PLXNC1: variants seen among roughly 807,000 people sequenced by gnomAD.
The protein encoded by PLXNC1 is plexin-C1.
A neutral mutation model predicts 178.2 loss-of-function variants in PLXNC1; 75 were observed. The ratio of observed to expected loss-of-function variants is 0.42; its 90% confidence interval spans 0.35 to 0.51. The LOEUF is 0.51. Among genes scored for constraint, PLXNC1 ranks in the 20% least tolerant of loss-of-function variants. PLXNC1 has a pLI of 0.02. For missense variants in PLXNC1, 1,503 were observed against 1,984.4 expected, an observed-to-expected ratio of 0.76 and a Z score of 4.61; for synonymous variants, 790 against 779.9, an observed-to-expected ratio of 1.01 and a Z score of -0.22.
chr12:94,204,972 G>C (rs1023294573), intron 4 of PLXNC1, among the ~76,000 whole-genome samples: 7 of 152,004 alleles, frequency 4.6e-5, no homozygotes, highest in Non-Finnish European at 1.0e-4. Flanking sequence ...ATTCCTTCAG[G>C]GACTGTCTGC....
chr12:94,198,143 T>C (rs1240592338), intron 4 of PLXNC1, among the ~76,000 whole-genome samples: 2 of 152,090 alleles, frequency 1.3e-5, no homozygotes, highest in African/African-American at 2.4e-5. Context: ...CCATCCATGA[T>C]AGACTGGATA....
At chr12:94,164,127 G>C (rs1303714341) in intron 1 of PLXNC1, among the ~76,000 whole-genome samples, 3 of 152,164 alleles carry the variant, frequency 2.0e-5, no homozygotes, top group Non-Finnish European at 4.4e-5. Context: ...GGCTCCTTCA[G>C]GGGTTTCCTA....
intron 23 of PLXNC1, among the ~76,000 whole-genome samples, chr12:94,289,396 A>T (rs1247353792): frequency 6.6e-6 from 1 of 152,164 alleles, no homozygotes; most frequent in Non-Finnish European, 1.5e-5. Flanking sequence ...ACCCTGTGAG[A>T]CTGGAAGGAA....
Position 94,300,925 on chromosome 12 carries a change from C to T in PLXNC1, c.4254C>T (p.Phe1418=). ...CTTTGAACAGCCTTCCTCTTCGCTT[C>T]TGGGTAAACATCCTGAAGAACCCTC... ...IWKTNSLPLR[F]WVNILKNPQF... is the part of the protein sequence containing the mutation. Residue 1418 remains phenylalanine, a synonymous_variant, in exon 28 of 31, where the codon TTC becomes TTT. Transcript: ENST00000258526. 6.2e-7 allele frequency: 1 copy of T among 1,612,810 alleles called. No homozygotes were observed. Among genetic ancestry groups the T allele is most frequent in the Middle Eastern group, 1.7e-4 (1 of 6,048 alleles).
At chr12:94,178,597 GCCTGTC>G (rs2135956078) in intron 2 of PLXNC1, among the ~76,000 whole-genome samples, 1 of 152,322 alleles carries the variant, frequency 6.6e-6, no homozygotes, top group East Asian at 1.9e-4. Flanking sequence ...CTTGGTCAGT[GCCTGTC>G]CCTTGGCTCC....
At chr12:94,269,689 ATAC>A (rs1162339250) in intron 21 of PLXNC1, among the ~76,000 whole-genome samples, 1 of 152,208 alleles carries the variant, frequency 6.6e-6, no homozygotes, top group East Asian at 1.9e-4. Context: ...CTTGTTTTTA[ATAC>A]TCCTACCATT....
In PLXNC1 at chr12:94,217,085, G is replaced by A. The variant is rs1963667045; in HGVS notation, c.1555-2931G>A. ...CCTCTTTTCAGGTCCACTCCAACCTGGTTTCTGCCCCAGTGTTCCCCTGAA... is the reference window on the plus strand; with the variant it reads ...CCTCTTTTCAGGTCCACTCCAACCTAGTTTCTGCCCCAGTGTTCCCCTGAA... On this transcript the variant is annotated intron_variant, in intron 5 of 30. Coordinates refer to ENST00000258526, the MANE Select transcript of PLXNC1 (RefSeq NM_005761.3). Among the ~76,000 whole-genome samples the A allele has an allele frequency of 2.0e-5, 3 of 152,164 alleles. 1 individual carries two copies. Among genetic ancestry groups the A allele is most frequent in the Admixed American group, 2.0e-4 (3 of 15,270 alleles).
chr12:94,227,242 C>A lies in PLXNC1; in HGVS notation c.1980+7C>A, dbSNP rs367888609. 1.9e-6 allele frequency: 3 copies of A among 1,582,514 alleles called. No homozygotes were observed. The highest frequency in any genetic ancestry group is 2.2e-5 in the South Asian group (2 of 90,440). Reference sequence around the variant, plus strand: ...AACCAACCAGGCTTTACAGGTCAGACCCTATTTTTGTGTGGTTGAGGGGAA... The same window carrying A: ...AACCAACCAGGCTTTACAGGTCAGAACCTATTTTTGTGTGGTTGAGGGGAA... On this transcript the variant is annotated splice_region_variant and intron_variant, in intron 9 of 30. Transcript: ENST00000258526.
chr12:94,153,942 G>A (rs1295896236), intron 1 of PLXNC1, among the ~76,000 whole-genome samples: 1 of 152,130 alleles, frequency 6.6e-6, no homozygotes, highest in Admixed American at 6.5e-5. Flanking sequence ...TTCTTGTGAT[G>A]TTTATTTCTC....
At chr12:94,290,498 C>T (rs77213192) in intron 23 of PLXNC1, among the ~76,000 whole-genome samples, 3 of 152,254 alleles carry the variant, frequency 2.0e-5, no homozygotes, top group Admixed American at 6.5e-5. Context: ...TGGCCCCAGC[C>T]GGCCCCTGCC....
chr12:94,189,766 G>A (rs1015313093), intron 4 of PLXNC1, among the ~76,000 whole-genome samples: 1 of 152,128 alleles, frequency 6.6e-6, no homozygotes, highest in African/African-American at 2.4e-5. Flanking sequence ...ATGGAGGGAT[G>A]GAGTTATTGG....
At position 94,243,062 on chromosome 12, in the gene PLXNC1, C is replaced by T. The variant is rs548886929; in HGVS notation, c.2301-876C>T. 7.2e-5 allele frequency among the ~76,000 whole-genome samples: 11 copies of T among 152,370 alleles called. No homozygotes were observed. The South Asian group carries it at 1.4e-3, about 20-fold the overall frequency. On this transcript the variant is annotated intron_variant, in intron 11 of 30. Coordinates refer to ENST00000258526, the MANE Select transcript of PLXNC1 (RefSeq NM_005761.3). ...CTAAATGCTGGCCATCGGGAGATCA[C>T]GCTTGGCTCGGTTTTCTGGTAATGG...
chr12:94,217,511 T>A (rs1963678247), intron 5 of PLXNC1, among the ~76,000 whole-genome samples: 1 of 152,216 alleles, frequency 6.6e-6, no homozygotes, highest in South Asian at 2.1e-4. Context: ...TGCTTGAGTA[T>A]CACACAAGTA....
rs1295095756 is a variant in PLXNC1, at chr12:94,240,509, T to A, written c.2145T>A (p.Asn715Lys). The A allele has an allele frequency of 1.2e-6, 2 of 1,614,010 alleles. No homozygotes were observed. Among genetic ancestry groups the A allele is most frequent in the Admixed American group, 1.7e-5 (1 of 60,024 alleles). The change falls in exon 11 of 31, where the codon AAT becomes AAA. Residue 715 changes from asparagine to lysine, a missense_variant. Physicochemically the swap from Asn to Lys is moderately conservative, Grantham distance 94. Around this residue, in one of 4 missense-constraint regions of PLXNC1, gnomAD observed 615 missense variants for 698.6 expected, o/e 0.88. Coordinates refer to ENST00000258526, the MANE Select transcript of PLXNC1 (RefSeq NM_005761.3). ...GGATACAGGTTAGCCATGTGCTAAA[T>A]GACACCCACATGAAATTCTCTCTTC... is the stretch of plus-strand genomic sequence containing the variant. Reference protein sequence around the residue: ...KDVIQVSHVLNDTHMKFSLPS... With the variant: ...KDVIQVSHVLKDTHMKFSLPS...
intron 9 of PLXNC1, among the ~76,000 whole-genome samples, chr12:94,236,648 T>C (rs1390563235): frequency 6.9e-6 from 1 of 145,022 alleles, no homozygotes; most frequent in Non-Finnish European, 1.5e-5. Context: ...TGGTAGAGGA[T>C]ATAGGGGAAA....
chr12:94,262,606 C>T, intron 20 of PLXNC1: 4 of 985,440 alleles, frequency 4.1e-6, no homozygotes, highest in Non-Finnish European at 4.8e-6. Flanking sequence ...TCCAGCCAGT[C>T]GGCGATACTT....
chr12:94,262,379 A>C (rs1255112652), intron 20 of PLXNC1: 1 of 558,490 alleles, frequency 1.8e-6, no homozygotes, highest in African/African-American at 2.1e-5. Flanking sequence ...ATCCCTTTCC[A>C]GCTCTTTCTA....
intron 21 of PLXNC1, among the ~76,000 whole-genome samples, chr12:94,269,641 C>A (rs187090582): frequency 6.6e-6 from 1 of 152,352 alleles, no homozygotes; most frequent in East Asian, 1.9e-4. Flanking sequence ...AATTACATTC[C>A]ATTGTTCATT....
chr12:94,278,144 ACC>A, intron 21 of PLXNC1: 1 of 342,526 alleles, frequency 2.9e-6, no homozygotes, highest in Non-Finnish European at 5.6e-6. Context: ...GCTCCTTAAA[ACC>A]AAAAAAAACA....
Sources: gnomAD v4.1 joint callset for allele counts (sites outside exome capture counted in the v4.1 genomes callset) on GRCh38, gnomAD v4.1.1 for gene constraint, gnomAD v4.1.1 regional missense constraint, MANE v1.5 for transcripts, NCBI Gene and HGNC (gene_info 2026-07-23, HGNC 2026-07-21) for gene names.